The following VWA8 variants were observed in gnomAD, a reference collection of about 807,000 sequenced individuals.
VWA8 encodes the protein von Willebrand factor A domain containing 8, also known as von Willebrand factor A domain-containing protein 8.
VWA8 carries 221 observed loss-of-function variants against 241.5 expected under a neutral mutation model. The observed-to-expected ratio is 0.91, with a 90% CI of 0.82 to 1.02. The LOEUF (loss-of-function observed/expected upper bound fraction) is 1.02. VWA8 is among the 50% of genes least tolerant of loss of function. VWA8 has a pLI of 0.00. For synonymous variants in VWA8, 852 were observed against 827.1 expected (o/e 1.03, Z -0.52); for missense variants, 2,322 against 2,328.7 (o/e 1.00, Z 0.06).
chr13:41,735,826 T>C (rs1359628372), intron 21 of VWA8, among the ~76,000 whole-genome samples: 2 of 152,152 alleles, frequency 1.3e-5, no homozygotes, highest in Non-Finnish European at 2.9e-5. Flanking sequence ...TGACTACTGT[T>C]GTTACAGGTA....
intron 37 of VWA8, among the ~76,000 whole-genome samples, chr13:41,631,049 T>C (rs2139674394): frequency 6.6e-6 from 1 of 152,226 alleles, no homozygotes; most frequent in South Asian, 2.1e-4. Flanking sequence ...AGACAGAGTC[T>C]CACTCTGTCA....
intron 37 of VWA8, among the ~76,000 whole-genome samples, chr13:41,670,556 T>C (rs375098440): frequency 2.6e-5 from 4 of 152,308 alleles, no homozygotes; most frequent in African/African-American, 9.6e-5. Context: ...ATCTGCTGTA[T>C]TCTAGTTCCT....
intron 16 of VWA8, among the ~76,000 whole-genome samples, chr13:41,813,075 G>A (rs1272510584): frequency 6.6e-6 from 1 of 152,118 alleles, no homozygotes; most frequent in African/African-American, 2.4e-5. Context: ...CTGCTGGAAG[G>A]CTTGCTCTCA....
At chr13:41,696,906 T>C (rs930066589) in intron 29 of VWA8, among the ~76,000 whole-genome samples, 14 of 152,244 alleles carry the variant, frequency 9.2e-5, no homozygotes, top group Admixed American at 4.6e-4. Context: ...CTGTTCTCTA[T>C]TTACATTCAC....
At chr13:41,582,828 T>C (rs767771760) in intron 42 of VWA8, among the ~76,000 whole-genome samples, 2 of 152,210 alleles carry the variant, frequency 1.3e-5, no homozygotes, top group Middle Eastern at 3.4e-3. Context: ...CTAATAGTGG[T>C]TGTACTGGAG....
At chr13:41,790,255 CAA>C (rs968218523) in intron 17 of VWA8, among the ~76,000 whole-genome samples, 6 of 152,206 alleles carry the variant, frequency 3.9e-5, no homozygotes, top group African/African-American at 1.4e-4. Flanking sequence ...TTCCAGACAA[CAA>C]AAAATTCACA....
intron 9 of VWA8, among the ~76,000 whole-genome samples, chr13:41,880,331 A>T (rs1874108857): frequency 6.6e-6 from 1 of 152,086 alleles, no homozygotes; most frequent in African/African-American, 2.4e-5. Context: ...TTATCTGAAC[A>T]ATTTGAGAGT....
At chr13:41,633,348 T>C (rs1054085706) in intron 37 of VWA8, among the ~76,000 whole-genome samples, 2 of 152,152 alleles carry the variant, frequency 1.3e-5, no homozygotes, top group Admixed American at 1.3e-4. Context: ...GGCACAGTCT[T>C]GGTACATCAC....
At chr13:41,577,377 T>G (rs559535302) in intron 42 of VWA8, among the ~76,000 whole-genome samples, 58 of 150,516 alleles carry the variant, frequency 3.9e-4, no homozygotes, top group African/African-American at 1.1e-3. Flanking sequence ...AAAATTATTC[T>G]TAGTATAGTT....
intron 37 of VWA8, among the ~76,000 whole-genome samples, chr13:41,653,821 C>T (rs1206862131): frequency 1.3e-5 from 2 of 152,128 alleles, no homozygotes; most frequent in African/African-American, 4.8e-5. Flanking sequence ...AAGAACTCTA[C>T]TCAATAAGTG....
At chr13:41,745,309 GCCCC>G (rs1052035750) in intron 21 of VWA8, among the ~76,000 whole-genome samples, 3 of 152,008 alleles carry the variant, frequency 2.0e-5, no homozygotes, top group Non-Finnish European at 4.4e-5. Context: ...CCCATGACAG[GCCCC>G]AGTGTGTGAT....
chr13:41,870,262 A>T (rs1019285716), intron 9 of VWA8, among the ~76,000 whole-genome samples: 1 of 148,236 alleles, frequency 6.7e-6, no homozygotes, highest in African/African-American at 2.5e-5. Context: ...TAATTTCATG[A>T]AAAAAAAAAA....
At chr13:41,719,276 T>C (rs1210336045) in intron 26 of VWA8, 2 of 907,810 alleles carry the variant, frequency 2.2e-6, no homozygotes, top group Non-Finnish European at 2.8e-6. Context: ...CGTACAATGA[T>C]GTGCACTGGA....
chr13:41,718,648 T>C (rs2045362054), intron 26 of VWA8, among the ~76,000 whole-genome samples: 1 of 151,872 alleles, frequency 6.6e-6, no homozygotes, highest in African/African-American at 2.4e-5. Context: ...CAAGTTTTTA[T>C]AATGACTTCA....
chr13:41,700,676 A>C (rs1341053377), intron 28 of VWA8, among the ~76,000 whole-genome samples: 1 of 152,216 alleles, frequency 6.6e-6, no homozygotes, highest in Non-Finnish European at 1.5e-5. Context: ...ATCTTTTACC[A>C]ATTTAAGAAA....
chr13:41,611,989 T>C (rs2044592220), intron 38 of VWA8, among the ~76,000 whole-genome samples: 2 of 152,234 alleles, frequency 1.3e-5, no homozygotes, highest in African/African-American at 4.8e-5. Flanking sequence ...TGCTACCTCA[T>C]AAGGATCCAT....
At chr13:41,807,635 C>G (rs755686222) in intron 17 of VWA8, 1 of 152,182 alleles carries the variant, frequency 6.6e-6, no homozygotes, top group Non-Finnish European at 1.5e-5. Flanking sequence ...TTATAAAATT[C>G]AACATCCCTT....
chr13:41,870,730 C>G (rs1047540874), intron 9 of VWA8, among the ~76,000 whole-genome samples: 10 of 151,874 alleles, frequency 6.6e-5, no homozygotes, highest in African/African-American at 2.2e-4. Flanking sequence ...TTTCCCACAG[C>G]TAGAGTAGTG....
intron 26 of VWA8, among the ~76,000 whole-genome samples, chr13:41,706,614 G>A (rs1240769318): frequency 1.3e-5 from 2 of 152,200 alleles, no homozygotes; most frequent in African/African-American, 2.4e-5. Flanking sequence ...TTAGTAGTCA[G>A]GGGAAAGGGG....
Sources: gnomAD v4.1 joint callset for allele counts (sites outside exome capture counted in the v4.1 genomes callset) on GRCh38, gnomAD v4.1.1 for gene constraint, MANE v1.5 for transcripts, NCBI Gene and HGNC (gene_info 2026-07-23, HGNC 2026-07-21) for gene names.